The following FAM20C variants were observed in gnomAD, a reference collection of about 807,000 sequenced individuals.
The protein encoded by FAM20C is extracellular serine/threonine protein kinase FAM20C.
FAM20C carries 40 observed loss-of-function variants against 51.5 expected under a neutral mutation model. That is an observed-to-expected ratio of 0.78 (90% CI 0.60 to 1.01). The LOEUF is 1.01. FAM20C is among the 50% of genes least tolerant of loss of function. The pLI is 0.00. For synonymous variants in FAM20C, 406 were observed against 380.6 expected, an observed-to-expected ratio of 1.07 and a Z score of -0.78; for missense variants, 861 against 844.7, an observed-to-expected ratio of 1.02 and a Z score of -0.24.
In FAM20C at chr7:259,484, T is replaced by C. The variant is rs36164859; in HGVS notation, c.1506-247T>C. The stretch of plus-strand genomic sequence containing the variant: ...TCTCTCTCTGTCTCGGTCTGCCTGT[T>C]TCTCTTTATCTGTGTCTCTTTCTGT... On this transcript the variant is annotated intron_variant, in intron 9 of 9. Transcript: ENST00000313766. Among the ~76,000 whole-genome samples, 89,879 of 145,314 alleles carry C rather than the reference T, an allele frequency of 0.62. 28,169 individuals are homozygous for C. Among genetic ancestry groups the C allele is most frequent in the African/African-American group, 0.7 (26,514 of 37,884 alleles).
chr7:206,717 CATG>C (rs2115061559), intron 2 of FAM20C, among the ~76,000 whole-genome samples: 3 of 147,650 alleles, frequency 2.0e-5, no homozygotes, highest in South Asian at 2.2e-4. Flanking sequence ...ACGCGTCTGT[CATG>C]GTCCCCTCGG....
chr7:228,252 C>G (rs994927766), intron 3 of FAM20C: 3 of 337,714 alleles, frequency 8.9e-6, no homozygotes, highest in Non-Finnish European at 1.8e-5. Context: ...CAGTAGGCGA[C>G]CCCTGCCCTG....
intron 3 of FAM20C, among the ~76,000 whole-genome samples, chr7:220,669 C>T (rs573834841): frequency 6.6e-6 from 1 of 152,130 alleles, no homozygotes; most frequent in Non-Finnish European, 1.5e-5. Flanking sequence ...TGGAGAGGAA[C>T]ATTCCTGCAA....
At chr7:228,608 C>T (rs373299211) in intron 3 of FAM20C, 7 of 456,130 alleles carry the variant, frequency 1.5e-5, no homozygotes, top group African/African-American at 1.0e-4. Context: ...TCCACAGAGC[C>T]GGTGTGAGCC....
intron 4 of FAM20C, 61 bp from the exon 5 acceptor site, chr7:248,254 G>A: frequency 8.0e-7 from 1 of 1,247,772 alleles, no homozygotes; most frequent in South Asian, 1.4e-5. Context: ...TTGGAGGCAG[G>A]GACACAGAGG....
At chr7:232,316 G>A (rs957578535) in intron 3 of FAM20C, among the ~76,000 whole-genome samples, 3 of 152,200 alleles carry the variant, frequency 2.0e-5, no homozygotes, top group Non-Finnish European at 4.4e-5. Context: ...GTCCAGTGGA[G>A]AGAACGCGGC....
At chr7:218,052 G>C (rs959558012) in intron 3 of FAM20C, among the ~76,000 whole-genome samples, 4 of 152,188 alleles carry the variant, frequency 2.6e-5, no homozygotes, top group Non-Finnish European at 5.9e-5. Flanking sequence ...GAGTGGTGGG[G>C]TAGGGGTTGG....
chr7:230,009 AGCTTCC>A (rs1787596525), intron 3 of FAM20C, among the ~76,000 whole-genome samples: 1 of 152,174 alleles, frequency 6.6e-6, no homozygotes, highest in Non-Finnish European at 1.5e-5. Flanking sequence ...GGGAAGGACC[AGCTTCC>A]GCTTCCGCGA....
intron 3 of FAM20C, among the ~76,000 whole-genome samples, chr7:240,648 T>A (rs1787916905): frequency 6.6e-6 from 1 of 152,152 alleles, no homozygotes; most frequent in African/African-American, 2.4e-5. Context: ...GAGTCCTCAT[T>A]CATTCATTTG....
intron 2 of FAM20C, among the ~76,000 whole-genome samples, chr7:200,995 G>A (rs1255306672): frequency 6.6e-6 from 1 of 152,218 alleles, no homozygotes; most frequent in Non-Finnish European, 1.5e-5. Flanking sequence ...ATGGGTATAT[G>A]AGCCTGGGTG....
chr7:206,374 G>A (rs555646158), intron 2 of FAM20C, among the ~76,000 whole-genome samples: 19 of 152,284 alleles, frequency 1.2e-4, no homozygotes, highest in Non-Finnish European at 2.2e-4. Flanking sequence ...GCTGCCCCAC[G>A]CTGGCCGCCC....
At chr7:212,754 G>C (rs995015785) in intron 3 of FAM20C, among the ~76,000 whole-genome samples, 3 of 152,154 alleles carry the variant, frequency 2.0e-5, no homozygotes, top group Non-Finnish European at 2.9e-5. Context: ...GGGTGCTTTT[G>C]CTTTAGGGTT....
chr7:245,488 C>T (rs1381142009), intron 3 of FAM20C, among the ~76,000 whole-genome samples: 4 of 151,874 alleles, frequency 2.6e-5, no homozygotes, highest in Admixed American at 6.5e-5. Context: ...CTCCCTGGGC[C>T]TGGCCTGGGT....
At chr7:218,080 C>A (rs889714155) in intron 3 of FAM20C, among the ~76,000 whole-genome samples, 2 of 152,188 alleles carry the variant, frequency 1.3e-5, no homozygotes, top group Non-Finnish European at 2.9e-5. Flanking sequence ...GGCCTGCTGC[C>A]TGTGGGCTGG....
intron 5 of FAM20C, among the ~76,000 whole-genome samples, chr7:253,589 C>T (rs1788479961): frequency 7.4e-6 from 1 of 135,714 alleles, no homozygotes; most frequent in South Asian, 2.2e-4. Flanking sequence ...GTTACCTGGA[C>T]AGCTGCCTCC....
At chr7:219,461 C>G (rs1295064347) in intron 3 of FAM20C, among the ~76,000 whole-genome samples, 1 of 152,208 alleles carries the variant, frequency 6.6e-6, no homozygotes, top group Non-Finnish European at 1.5e-5. Context: ...AACGCCCAGC[C>G]AGGGCTGTCG....
intron 4 of FAM20C, 116 bp from the exon 5 acceptor site, chr7:248,195 GGCCC>G: frequency 1.5e-6 from 1 of 663,442 alleles, no homozygotes; most frequent in Admixed American, 2.8e-5. Context: ...GGGACACAGA[GGCCC>G]GCTGAGCCGC....
At chr7:223,210 A>G (rs1047855684) in intron 3 of FAM20C, among the ~76,000 whole-genome samples, 2 of 152,124 alleles carry the variant, frequency 1.3e-5, no homozygotes, top group African/African-American at 4.8e-5. Flanking sequence ...CTTCTGTCCA[A>G]AGCCTGAAGT....
intron 3 of FAM20C, among the ~76,000 whole-genome samples, chr7:227,041 C>T (rs1317475043): frequency 3.3e-5 from 5 of 152,046 alleles, no homozygotes; most frequent in Non-Finnish European, 7.4e-5. Flanking sequence ...CCAGGCCGTC[C>T]GACCCTGGCC....
Sources: gnomAD v4.1 joint callset for allele counts (sites outside exome capture counted in the v4.1 genomes callset) on GRCh38, gnomAD v4.1.1 for gene constraint, MANE v1.5 for transcripts, NCBI Gene and HGNC (gene_info 2026-07-23, HGNC 2026-07-21) for gene names.